Variants in TMEM184B observed in about 807,000 individuals in gnomAD.
The protein encoded by TMEM184B is putative MAPK-activating protein FM08.
Under a neutral mutation model 41.8 loss-of-function variants are expected in TMEM184B, and 17 were observed. That is an observed-to-expected ratio of 0.41 (90% CI 0.28 to 0.61). The LOEUF (loss-of-function observed/expected upper bound fraction) is 0.61, where lower values mean the gene tolerates loss of function less well. Among genes scored for constraint, TMEM184B ranks in the 20% least tolerant of loss-of-function variants. The pLI is 0.34. For synonymous variants in TMEM184B, 240 were observed against 229.5 expected (o/e 1.05, Z -0.41); for missense variants, 393 against 557.8 (o/e 0.70, Z 2.98).
chr22:38,240,789 G>A (rs76599369), intron 3 of TMEM184B, among the ~76,000 whole-genome samples: 22,167 of 148,216 alleles, frequency 0.15, 1,730 homozygotes, highest in South Asian at 0.23. Flanking sequence ...ACAGGCACTA[G>A]GGATCAAATA....
At chr22:38,224,721 G>C (rs1017595014) in intron 8 of TMEM184B, 64 bp downstream of exon 8, 30 of 1,490,624 alleles carry the variant, frequency 2.0e-5, no homozygotes, top group Non-Finnish European at 2.7e-5. Flanking sequence ...AGGTGGGAGG[G>C]TCCTGGGATG....
chr22:38,230,856 T>G lies in TMEM184B; in HGVS notation c.450-112A>C. 6 of 1,037,158 alleles carry G rather than the reference T, an allele frequency of 5.8e-6. No homozygotes were observed. In the South Asian group the frequency reaches 8.2e-5, roughly 14 times the overall value. 64.2% of individuals were successfully genotyped at this position (1,037,158 alleles called of 1,614,324 possible). A position where few individuals can be genotyped will look rare whatever the true frequency, so the allele number is the denominator to read the frequency against. On this transcript the variant is annotated intron_variant, in intron 4 of 8. Coordinates refer to ENST00000361906, the MANE Select transcript of TMEM184B (RefSeq NM_012264.5). ...CCATCCAGACGAGCTGGGGCACACA[T>G]TCTGGGCAGACTTTGAACCCGAGGC... is the stretch of plus-strand genomic sequence containing the variant.
chr22:38,238,098 C>T (rs1214149084), intron 3 of TMEM184B, among the ~76,000 whole-genome samples: 1 of 152,046 alleles, frequency 6.6e-6, no homozygotes, highest in African/African-American at 2.4e-5. Flanking sequence ...CTGCGCCCAG[C>T]CCCCTCGCGG....
At chr22:38,256,010 C>A (rs1302557003) in intron 1 of TMEM184B, among the ~76,000 whole-genome samples, 1 of 152,128 alleles carries the variant, frequency 6.6e-6, no homozygotes, top group African/African-American at 2.4e-5. Context: ...TACACATACA[C>A]CCTACATGAA....
intron 1 of TMEM184B, among the ~76,000 whole-genome samples, chr22:38,249,367 C>A (rs1391581376): frequency 6.6e-6 from 1 of 152,154 alleles, no homozygotes; most frequent in African/African-American, 2.4e-5. Flanking sequence ...CCAGGTTGGT[C>A]TTGAACTCCT....
chr22:38,245,902 C>T lies in TMEM184B; in HGVS notation c.358+33G>A, dbSNP rs373851932. ...AGGGGCTCCCAGCCCCCCAGCCCCC[C>T]GCCAGCCCTCCCCACTCCGTCCCCA... is the stretch of plus-strand genomic sequence containing the variant. On this transcript the variant is annotated intron_variant, in intron 3 of 8. Transcript: ENST00000361906. The T allele has an allele frequency of 7.5e-5, 108 of 1,438,918 alleles. 1 individual carries two copies. Among genetic ancestry groups the T allele is most frequent in the East Asian group, 2.3e-4 (9 of 39,030 alleles). The allele number at this position is 1,438,918 out of a possible 1,614,324, so 89.1% of individuals were successfully genotyped here.
chr22:38,263,338 G>T (rs1041348591), intron 1 of TMEM184B, among the ~76,000 whole-genome samples: 3 of 152,148 alleles, frequency 2.0e-5, no homozygotes, highest in Non-Finnish European at 2.9e-5. Context: ...TGCGGTGTCT[G>T]CCCAGAGACC....
In TMEM184B at chr22:38,220,574, C is replaced by T; in HGVS notation, c.*895G>A. The T allele has an allele frequency of 1.0e-6, 1 of 985,974 alleles. No individual in the cohort carries two copies. Among genetic ancestry groups the T allele is most frequent in the East Asian group, 1.1e-4 (1 of 8,810 alleles). 61.1% of individuals were successfully genotyped at this position (985,974 alleles called of 1,614,324 possible). ...GAAACGTGGAGACTCAGACCTTTCC[C>T]CTGAAACGGGAGGGAGAAGCCCCAA... On this transcript the variant is annotated 3_prime_UTR_variant, in exon 9 of 9. Transcript: ENST00000361906.
rs1023317507 is a variant in TMEM184B at position 38,219,563 on chromosome 22, A to G, written c.*1906T>C. 109 of 984,560 alleles carry G rather than the reference A, an allele frequency of 1.1e-4. No homozygotes were observed. Among genetic ancestry groups the G allele is most frequent in the Non-Finnish European group, 1.3e-4 (107 of 829,786 alleles). The allele number at this position is 984,560 out of a possible 1,614,324, so 61.0% of individuals were successfully genotyped here. On this transcript the variant is annotated 3_prime_UTR_variant, in exon 9 of 9. Transcript: ENST00000361906. The stretch of plus-strand genomic sequence containing the variant: ...AAAGACAAGGTAGGTTATGCATCCT[A>G]AGGAGGAGGAGGGGATGGAGCGGTC...
chr22:38,228,719 G>A (rs1447959536), intron 5 of TMEM184B, among the ~76,000 whole-genome samples: 27 of 152,200 alleles, frequency 1.8e-4, no homozygotes, highest in African/African-American at 4.3e-4. Context: ...GTGCTCTCTC[G>A]CCCTGGTAAA....
chr22:38,272,152 GA>G (rs946543341), intron 1 of TMEM184B, among the ~76,000 whole-genome samples: 10 of 152,326 alleles, frequency 6.6e-5, no homozygotes, highest in African/African-American at 1.9e-4. Context: ...CTCCAGAGGG[GA>G]TATGTATTGG....
At chr22:38,254,705 C>G (rs2145732753) in intron 1 of TMEM184B, among the ~76,000 whole-genome samples, 1 of 152,206 alleles carries the variant, frequency 6.6e-6, no homozygotes, top group South Asian at 2.1e-4. Context: ...ACCTGGGTAC[C>G]AAAAAATATA....
Position 38,225,599 on chromosome 22 carries a change from G to A in TMEM184B, c.618-6C>T. 2 of 1,602,292 alleles carry A rather than the reference G, an allele frequency of 1.2e-6. No homozygotes were observed. Among genetic ancestry groups the A allele is most frequent in the South Asian group, 1.1e-5 (1 of 89,740 alleles). ...AGAGGTAGCCACTGGTGACGCTGCG[G>A]GACGGGGAGCATTTTCTGGCTGGGA... On this transcript the variant is annotated splice_polypyrimidine_tract_variant and splice_region_variant and intron_variant, in intron 6 of 8. Transcript: ENST00000361906. This position sits in a 1 kb window ranked among gnomAD's most constrained non-coding sequence, Gnocchi z 4.4.
intron 1 of TMEM184B, among the ~76,000 whole-genome samples, chr22:38,249,449 C>T (rs1207634274): frequency 6.6e-6 from 1 of 152,220 alleles, no homozygotes; most frequent in Non-Finnish European, 1.5e-5. Flanking sequence ...TGTGCCTGGC[C>T]TATCTACTGA....
At chr22:38,234,982 C>A (rs1257447866) in intron 3 of TMEM184B, among the ~76,000 whole-genome samples, 8 of 152,198 alleles carry the variant, frequency 5.3e-5, no homozygotes, top group Non-Finnish European at 1.2e-4. Flanking sequence ...AGGGCACAGT[C>A]AAGAGTCCAC....
At chr22:38,260,159 T>C (rs2145760354) in intron 1 of TMEM184B, among the ~76,000 whole-genome samples, 1 of 152,216 alleles carries the variant, frequency 6.6e-6, no homozygotes, top group East Asian at 1.9e-4. Flanking sequence ...CCGCCCACCT[T>C]GTCCTCCCAA....
At chr22:38,251,400 G>A (rs6001071) in intron 1 of TMEM184B, among the ~76,000 whole-genome samples, 1,540 of 152,310 alleles carry the variant, frequency 0.01, 26 homozygotes, top group African/African-American at 0.036. Flanking sequence ...CAATTCAAGG[G>A]TTTTCATAAT....
At chr22:38,231,504 C>G (rs1343242067) in intron 3 of TMEM184B, 170 bp from the exon 4 acceptor site, 3 of 719,018 alleles carry the variant, frequency 4.2e-6, no homozygotes, top group East Asian at 5.3e-5. Flanking sequence ...ACACAGACAT[C>G]TGACCTCCCA....
At chr22:38,230,554 T>G in intron 5 of TMEM184B, 115 bp downstream of exon 5, 1 of 1,043,606 alleles carries the variant, frequency 9.6e-7, no homozygotes, top group Admixed American at 2.0e-5. Flanking sequence ...GCTGGGGGCC[T>G]GGGGTGCCTC....
Sources: gnomAD v4.1 joint callset for allele counts (sites outside exome capture counted in the v4.1 genomes callset) on GRCh38, gnomAD v4.1.1 for gene constraint, Gnocchi (gnomAD v3.1) non-coding constraint, MANE v1.5 for transcripts, NCBI Gene and HGNC (gene_info 2026-07-23, HGNC 2026-07-21) for gene names.